Variants in RUFY2 observed in about 807,000 individuals in gnomAD.
RUFY2 encodes the protein RUN and FYVE domain-containing protein 2.
RUFY2 carries 49 observed loss-of-function variants against 94.4 expected under a neutral mutation model. That is an observed-to-expected ratio of 0.52 (90% CI 0.41 to 0.66). The LOEUF (loss-of-function observed/expected upper bound fraction) is 0.66, where lower values mean the gene tolerates loss of function less well. Ranked by LOEUF, RUFY2 falls within the 30% of genes least tolerant of loss-of-function variation. The pLI, the probability that RUFY2 is intolerant of heterozygous loss-of-function variation, is 0.00. For missense variants in RUFY2, 541 were observed against 692.8 expected (o/e 0.78, Z 2.46); for synonymous variants, 255 against 235.7 (o/e 1.08, Z -0.75).
chr10:68,377,135 T>G, intron 12 of RUFY2, 163 bp from the exon 13 acceptor site: 1 of 1,478,270 alleles, frequency 6.8e-7, no homozygotes, highest in Non-Finnish European at 9.0e-7. Context: ...AGCCACACAA[T>G]GTCTAGAAGT....
In RUFY2 at chr10:68,388,537, A is replaced by C. The variant is rs115204841; in HGVS notation, c.651-2409T>G. On this transcript the variant is annotated intron_variant, in intron 7 of 17. Transcript: ENST00000602465. ...TCTAAAGGTACAATAACTACTTTTTATTAGAAAAACAATGAAAGGCCGGGT... is the reference window on the plus strand; with the variant it reads ...TCTAAAGGTACAATAACTACTTTTTCTTAGAAAAACAATGAAAGGCCGGGT... Among the ~76,000 whole-genome samples the C allele has an allele frequency of 6.2e-3, 940 of 152,282 alleles. 17 individuals are homozygous for C. Among genetic ancestry groups the C allele is most frequent in the African/African-American group, 0.022 (903 of 41,546 alleles).
rs765463453 is a variant in RUFY2, at chr10:68,393,087, C to G, written c.650+51G>C. ...ATACGGTAAGCTGAAGGGAAAAAAACAAAAACCTAAGACAATATTCATAAA... is the reference window on the plus strand; with the variant it reads ...ATACGGTAAGCTGAAGGGAAAAAAAGAAAAACCTAAGACAATATTCATAAA... On this transcript the variant is annotated intron_variant, in intron 7 of 17. Transcript: ENST00000602465. 3 of 1,114,806 alleles carry G rather than the reference C, an allele frequency of 2.7e-6. No individual in the cohort carries two copies. The South Asian group carries it at 4.6e-5, about 17-fold the overall frequency. The allele number at this position is 1,114,806 out of a possible 1,614,324, so 69.1% of individuals were successfully genotyped here. A position where few individuals can be genotyped will look rare whatever the true frequency, so the allele number is the denominator to read the frequency against.
At chr10:68,347,468 G>C (rs928838563) in intron 16 of RUFY2, among the ~76,000 whole-genome samples, 1 of 151,936 alleles carries the variant, frequency 6.6e-6, no homozygotes, top group Non-Finnish European at 1.5e-5. Context: ...ATTTTTAGTA[G>C]AGATGGGGTT....
rs908994885 is a variant in RUFY2, at chr10:68,345,564, A to G, written c.*204T>C. ...TTAATGAGTTACATGATTTTTAAGC[A>G]TGCTCTGTTGAAAATACATTTTGAA... is the stretch of plus-strand genomic sequence containing the variant. On this transcript the variant is annotated 3_prime_UTR_variant, in exon 18 of 18. Coordinates refer to ENST00000602465, the MANE Select transcript of RUFY2 (RefSeq NM_001330103.2). The G allele has an allele frequency of 8.0e-6, 4 of 498,900 alleles. No homozygotes were observed. Among genetic ancestry groups the G allele is most frequent in the African/African-American group, 7.9e-5 (4 of 50,398 alleles). 30.9% of individuals were successfully genotyped at this position (498,900 alleles called of 1,614,324 possible). A position where few individuals can be genotyped will look rare whatever the true frequency, so the allele number is the denominator to read the frequency against.
At chr10:68,364,381 A>G (rs918788838) in intron 13 of RUFY2, among the ~76,000 whole-genome samples, 3 of 152,224 alleles carry the variant, frequency 2.0e-5, no homozygotes, top group Non-Finnish European at 2.9e-5. Flanking sequence ...TAAATATTGC[A>G]TAAGCATAGA....
chr10:68,406,309 C>T (rs1329669934), intron 1 of RUFY2, among the ~76,000 whole-genome samples: 5 of 151,074 alleles, frequency 3.3e-5, no homozygotes, highest in Non-Finnish European at 7.4e-5. Flanking sequence ...GCCAAACTGC[C>T]TGGTGGAAAA....
At chr10:68,359,251 G>A (rs1229015246) in intron 15 of RUFY2, among the ~76,000 whole-genome samples, 12 of 151,010 alleles carry the variant, frequency 7.9e-5, no homozygotes, top group Non-Finnish European at 1.3e-4. Context: ...GGTGGCACAC[G>A]CCTGTAATCC....
chr10:68,396,954 C>G (rs1388186211), intron 3 of RUFY2, 73 bp from the exon 4 acceptor site: 2 of 961,164 alleles, frequency 2.1e-6, no homozygotes, highest in Admixed American at 4.5e-5. Flanking sequence ...TAGAGGTAAA[C>G]ATTAACAAGG....
At chr10:68,399,281 G>A (rs2050636627) in intron 3 of RUFY2, among the ~76,000 whole-genome samples, 1 of 152,046 alleles carries the variant, frequency 6.6e-6, no homozygotes. Context: ...CTTGGGCTCA[G>A]GCAATCCACC....
At chr10:68,370,078 G>T (rs2048151118) in intron 13 of RUFY2, among the ~76,000 whole-genome samples, 1 of 152,168 alleles carries the variant, frequency 6.6e-6, no homozygotes, top group East Asian at 1.9e-4. Context: ...GAGGTCAGGA[G>T]CTCGAGACCA....
At chr10:68,342,213 GT>G, downstream of RUFY2, 2 of 540,754 alleles carry the variant, frequency 3.7e-6, no homozygotes, top group South Asian at 6.4e-5. Flanking sequence ...ATGGGAAAAT[GT>G]TTTCTGTAGG....
At chr10:68,405,561 G>T in intron 1 of RUFY2, 1 of 730,086 alleles carries the variant, frequency 1.4e-6, no homozygotes, top group Non-Finnish European at 1.7e-6. Context: ...GTCTTAGGAT[G>T]AATTCCAAGG....
At chr10:68,342,060 A>G (rs1440761388), downstream of RUFY2, 1 of 1,609,972 alleles carries the variant, frequency 6.2e-7, no homozygotes, top group East Asian at 2.2e-5. Flanking sequence ...ACTGAAAGCA[A>G]AAACACCAAC....
intron 10 of RUFY2, among the ~76,000 whole-genome samples, chr10:68,382,407 T>C (rs575585666): frequency 3.3e-5 from 5 of 151,884 alleles, no homozygotes; most frequent in African/African-American, 1.2e-4. Flanking sequence ...AAAAAGTTTC[T>C]TATGATTTAT....
chr10:68,396,971 G>C, intron 3 of RUFY2, 90 bp from the exon 4 acceptor site: 1 of 800,618 alleles, frequency 1.2e-6, no homozygotes, highest in Non-Finnish European at 2.0e-6. Flanking sequence ...AAGGAAAAAG[G>C]GCATTTTTAT....
intron 10 of RUFY2, among the ~76,000 whole-genome samples, chr10:68,383,137 C>T (rs188563568): frequency 1.3e-5 from 2 of 152,202 alleles, no homozygotes; most frequent in East Asian, 3.9e-4. Context: ...CCAGCCTGGC[C>T]AACACGGCAA....
At chr10:68,348,377 C>G (rs1407435091) in intron 16 of RUFY2, among the ~76,000 whole-genome samples, 1 of 151,724 alleles carries the variant, frequency 6.6e-6, no homozygotes, top group African/African-American at 2.4e-5. Context: ...ATTAGCCAAG[C>G]ATGGTGGCAT....
chr10:68,364,958 T>C (rs1589827280), intron 13 of RUFY2, among the ~76,000 whole-genome samples: 1 of 152,152 alleles, frequency 6.6e-6, no homozygotes, highest in Non-Finnish European at 1.5e-5. Context: ...CCATGATTAT[T>C]GCTCATAAGC....
intron 13 of RUFY2, among the ~76,000 whole-genome samples, chr10:68,368,965 G>C (rs933709077): frequency 6.6e-6 from 1 of 151,950 alleles, no homozygotes; most frequent in Non-Finnish European, 1.5e-5. Flanking sequence ...CCATGCCCCC[G>C]CAACAAACCT....
Sources: gnomAD v4.1 joint callset for allele counts (sites outside exome capture counted in the v4.1 genomes callset) on GRCh38, gnomAD v4.1.1 for gene constraint, MANE v1.5 for transcripts, NCBI Gene and HGNC (gene_info 2026-07-23, HGNC 2026-07-21) for gene names.